ZSCAN5A: variants seen among roughly 807,000 people sequenced by gnomAD.
ZSCAN5A encodes the protein zinc finger and SCAN domain containing 5A.
ZSCAN5A carries 12 observed loss-of-function variants against 23.7 expected under a neutral mutation model. That is an observed-to-expected ratio of 0.51 (90% CI 0.32 to 0.82). The LOEUF (loss-of-function observed/expected upper bound fraction) is 0.82, where lower values mean the gene tolerates loss of function less well. Ranked by LOEUF, ZSCAN5A falls within the 40% of genes least tolerant of loss-of-function variation. ZSCAN5A has a pLI of 0.03. For missense variants in ZSCAN5A, 597 were observed against 617.9 expected, an observed-to-expected ratio of 0.97 and a Z score of 0.36; for synonymous variants, 257 against 239.9, an observed-to-expected ratio of 1.07 and a Z score of -0.66.
chr19:56,248,909 G>A (rs1249563933), intron 2 of ZSCAN5A, among the ~76,000 whole-genome samples: 1 of 152,094 alleles, frequency 6.6e-6, no homozygotes, highest in Non-Finnish European at 1.5e-5. Flanking sequence ...CAGAGTCCAT[G>A]GTGTTCATTA....
chr19:56,242,785 C>T (rs1297450761), intron 2 of ZSCAN5A, among the ~76,000 whole-genome samples: 2 of 98,708 alleles, frequency 2.0e-5, no homozygotes, highest in African/African-American at 3.2e-5. Context: ...TTCTTTCTCT[C>T]TTTTTTTTTT....
Position 56,221,585 on chromosome 19 carries a change from G to T in ZSCAN5A, c.1481C>A (p.Thr494Asn), listed in dbSNP as rs199652968. The T allele has an allele frequency of 2.5e-6, 4 of 1,597,064 alleles. No homozygotes were observed. In the East Asian group the frequency reaches 6.7e-5, roughly 27 times the overall value. ...GACCGGATTATGCAATCACTGAGAA[G>T]TAGCTTCTGGATGTGTTTTCTGGTG... ...RRHQKTHPEA[T>N]SQ Residue 494 changes from threonine (T) to asparagine (N), a missense_variant, in exon 6 of 6, where the codon ACT (threonine) becomes AAT (asparagine). By Grantham distance (65) the Thr-to-Asn change is moderately conservative (BLOSUM62 0). Around this residue, in one of 5 missense-constraint regions of ZSCAN5A, gnomAD observed 87 missense variants for 74.4 expected, o/e 1.17. Coordinates refer to ENST00000683990, the MANE Select transcript of ZSCAN5A (RefSeq NM_001322064.3).
chr19:56,222,271 T>C lies in ZSCAN5A; in HGVS notation c.795A>G (p.Glu265=), dbSNP rs1347924314. The C allele has an allele frequency of 6.2e-7, 1 of 1,613,740 alleles. No homozygotes were observed. Among genetic ancestry groups the C allele is most frequent in the South Asian group, 1.1e-5 (1 of 91,078 alleles). The change falls in exon 6 of 6, where the codon GAA becomes GAG. Residue 265 remains glutamate, a synonymous_variant. Coordinates refer to ENST00000683990, the MANE Select transcript of ZSCAN5A (RefSeq NM_001322064.3). ...GKDPPKIASV[E]NVDADTPSAC... ...CAGAAGGTGTGTCAGCATCCACATT[T>C]TCCACAGAGGCTATTTTTGGGGGGT...
chr19:56,315,615 C>T (rs2041294842), upstream of ZSCAN5A: 2 of 152,188 alleles, frequency 1.3e-5, no homozygotes, highest in South Asian at 4.1e-4. Flanking sequence ...TTGAGGCCAC[C>T]TACCCTATAC....
chr19:56,222,688 A>C lies in ZSCAN5A; in HGVS notation c.642T>G (p.Ser214=), dbSNP rs1257876094. Residue 214 remains serine, a synonymous_variant, in exon 5 of 6, where the codon TCT becomes TCG. Transcript: ENST00000683990. ...KSIDVTGDPK[S]LRPKQTLEKD... ...TCTCCAAGGTCTGCTTGGGTCTCAG[A>C]GACTTTGGGTCACCTGTTACGTCAA... 1 of 1,614,102 alleles carries C rather than the reference A, an allele frequency of 6.2e-7. No individual in the cohort carries two copies. Among genetic ancestry groups the C allele is most frequent in the South Asian group, 1.1e-5 (1 of 91,072 alleles).
At chr19:56,288,276 A>G (rs7252570) in intron 2 of ZSCAN5A, among the ~76,000 whole-genome samples, 66,952 of 152,006 alleles carry the variant, frequency 0.44, 15,643 homozygotes, top group Non-Finnish European at 0.52. Context: ...CGGCAGCTGC[A>G]GGCTCCATCC....
chr19:56,242,801 G>A (rs1482355240), intron 2 of ZSCAN5A, among the ~76,000 whole-genome samples: 2 of 151,676 alleles, frequency 1.3e-5, no homozygotes, highest in Non-Finnish European at 2.9e-5. Context: ...TTTTTGAGAC[G>A]GAGTCTCGCT....
chr19:56,239,542 G>A (rs2035246891), intron 2 of ZSCAN5A, among the ~76,000 whole-genome samples: 1 of 152,178 alleles, frequency 6.6e-6, no homozygotes, highest in African/African-American at 2.4e-5. Context: ...AGTGCAGAGT[G>A]GGGACCATGT....
chr19:56,358,448 A>G (rs2041711531), intron 2 of ZSCAN5A, among the ~76,000 whole-genome samples: 1 of 149,322 alleles, frequency 6.7e-6, no homozygotes, highest in South Asian at 2.1e-4. Context: ...AAGACATACA[A>G]AGAGACTTGA....
chr19:56,284,351 G>A (rs756354337), intron 2 of ZSCAN5A: 4 of 202,544 alleles, frequency 2.0e-5, no homozygotes, highest in Non-Finnish European at 3.5e-5. Flanking sequence ...CAAGGATTTT[G>A]TGCAAGAATT....
intron 2 of ZSCAN5A, among the ~76,000 whole-genome samples, chr19:56,281,234 G>A (rs2038674069): frequency 6.6e-6 from 1 of 152,126 alleles, no homozygotes; most frequent in Admixed American, 6.5e-5. Flanking sequence ...CTGACCAGAA[G>A]AAGGAAGGGG....
intron 2 of ZSCAN5A, among the ~76,000 whole-genome samples, chr19:56,256,578 A>G (rs2036708713): frequency 6.6e-6 from 1 of 152,236 alleles, no homozygotes; most frequent in African/African-American, 2.4e-5. Flanking sequence ...CATTATATAT[A>G]TTGTATATAC....
At chr19:56,358,310 A>G (rs1421565904) in intron 2 of ZSCAN5A, among the ~76,000 whole-genome samples, 1 of 148,198 alleles carries the variant, frequency 6.7e-6, no homozygotes, top group Non-Finnish European at 1.5e-5. Flanking sequence ...GAGTAGAGGC[A>G]GGGTTTCACC....
chr19:56,271,567 ACT>A (rs1025470995), intron 2 of ZSCAN5A, among the ~76,000 whole-genome samples: 2 of 151,742 alleles, frequency 1.3e-5, no homozygotes, highest in Admixed American at 6.6e-5. Context: ...GCCAACAAGA[ACT>A]CTCTCCTCCA....
At chr19:56,238,293 T>A (rs112634169) in intron 2 of ZSCAN5A, among the ~76,000 whole-genome samples, 55 of 151,882 alleles carry the variant, frequency 3.6e-4, no homozygotes, top group African/African-American at 1.3e-3. Flanking sequence ...AATAATGAAA[T>A]GAAAATAGTC....
chr19:56,360,378 G>T (rs1270696567), intron 2 of ZSCAN5A, among the ~76,000 whole-genome samples: 1 of 151,878 alleles, frequency 6.6e-6, no homozygotes, highest in Non-Finnish European at 1.5e-5. Context: ...GGGAAGTGAA[G>T]GACCTCTTCA....
At chr19:56,251,619 A>C (rs1207194710) in intron 2 of ZSCAN5A, among the ~76,000 whole-genome samples, 2 of 152,234 alleles carry the variant, frequency 1.3e-5, no homozygotes, top group Non-Finnish European at 2.9e-5. Flanking sequence ...GTGCAGTAGC[A>C]TGATCATAGC....
chr19:56,318,868 T>G (rs575767712), upstream of ZSCAN5A, among the ~76,000 whole-genome samples: 1 of 152,288 alleles, frequency 6.6e-6, no homozygotes, highest in African/African-American at 2.4e-5. Flanking sequence ...AACAGCATGA[T>G]GGATATGAGG....
At chr19:56,222,868 T>G (rs1230314594) in intron 4 of ZSCAN5A, 127 bp from the exon 5 acceptor site, 1 of 1,322,946 alleles carries the variant, frequency 7.6e-7, no homozygotes, top group Non-Finnish European at 1.1e-6. Flanking sequence ...ACGTGCAGAC[T>G]TCCCCTGGAC....
Sources: allele counts gnomAD v4.1 joint callset (sites outside exome capture counted in the v4.1 genomes callset), GRCh38; gene constraint gnomAD v4.1.1; regional missense constraint gnomAD v4.1.1; transcripts MANE v1.5; gene names NCBI Gene and HGNC (gene_info 2026-07-23, HGNC 2026-07-21).